Variants in TASP1 observed in about 807,000 individuals in gnomAD.
TASP1 encodes the protein threonine aspartase 1.
TASP1 carries 16 observed loss-of-function variants against 56.6 expected under a neutral mutation model. The ratio of observed to expected loss-of-function variants is 0.28; its 90% CI spans 0.19 to 0.43. The LOEUF (loss-of-function observed/expected upper bound fraction) is 0.43. Ranked by LOEUF, TASP1 falls within the 20% of genes least tolerant of loss-of-function variation. The pLI, the probability that TASP1 is intolerant of heterozygous loss-of-function variation, is 1.00. For missense variants in TASP1, 393 were observed against 511.6 expected (o/e 0.77, Z 2.24); for synonymous variants, 179 against 184.2 (o/e 0.97, Z 0.23).
chr20:13,459,776 C>G (rs2043983976), intron 11 of TASP1, among the ~76,000 whole-genome samples: 1 of 152,116 alleles, frequency 6.6e-6, no homozygotes, highest in Admixed American at 6.6e-5. Flanking sequence ...CCTGTTACTA[C>G]AGATGAATTG....
At chr20:13,190,169 G>T in the TASP1 span, among the ~76,000 whole-genome samples, 8 of 152,132 alleles carry the variant, frequency 5.3e-5, no homozygotes, top group Non-Finnish European at 8.8e-5. Context: ...GGGAGCAAGG[G>T]TTGAGAAACT....
chr20:13,487,747 A>G (rs1044733621), intron 10 of TASP1, among the ~76,000 whole-genome samples: 1 of 152,184 alleles, frequency 6.6e-6, no homozygotes, highest in African/African-American at 2.4e-5. Context: ...AATAGCAAAA[A>G]ACAAAAAAAT....
At chr20:13,350,434 G>A in the TASP1 span, among the ~76,000 whole-genome samples, 1 of 151,864 alleles carries the variant, frequency 6.6e-6, no homozygotes, top group African/African-American at 2.4e-5. Flanking sequence ...CTTAAAAGAG[G>A]CGAAAAATGT....
At chr20:13,179,410 T>TGC in the TASP1 span, among the ~76,000 whole-genome samples, 113 of 150,658 alleles carry the variant, frequency 7.5e-4, no homozygotes, top group East Asian at 4.4e-3. Flanking sequence ...TATGTGCGTG[T>TGC]GTGTGTGTGT....
chr20:13,435,117 G>T lies in TASP1; in HGVS notation c.1023C>A (p.Gly341=). 1 of 1,608,672 alleles carries T rather than the reference G, an allele frequency of 6.2e-7. No homozygotes were observed. Among genetic ancestry groups the T allele is most frequent in the Non-Finnish European group, 8.5e-7 (1 of 1,177,386 alleles). ...PFLASEDGVL[G]GVIVLRSCRC... ...TGCATGAACGGAGGACAATCACTCC[G>T]CCAAGCACGCCATCTTCACTGGCAA... The change falls in exon 12 of 14, where the codon GGC becomes GGA. Residue 341 remains glycine (G), a synonymous_variant. Coordinates refer to ENST00000337743, the MANE Select transcript of TASP1 (RefSeq NM_017714.3).
the TASP1 span, among the ~76,000 whole-genome samples, chr20:13,277,503 C>T: frequency 6.6e-6 from 1 of 152,208 alleles, no homozygotes; most frequent in African/African-American, 2.4e-5. Flanking sequence ...CTCTACCCAG[C>T]TGTGTGCTCC....
chr20:13,192,012 G>T, the TASP1 span, among the ~76,000 whole-genome samples: 2 of 152,152 alleles, frequency 1.3e-5, no homozygotes, highest in South Asian at 4.1e-4. Flanking sequence ...CCAGTCTGTG[G>T]TATTCTGTTA....
chr20:13,235,178 T>C, the TASP1 span, among the ~76,000 whole-genome samples: 1 of 152,174 alleles, frequency 6.6e-6, no homozygotes, highest in South Asian at 2.1e-4. Context: ...AGGGCATGGC[T>C]TTAAGCTATG....
intron 11 of TASP1, among the ~76,000 whole-genome samples, chr20:13,478,297 C>T (rs6033720): frequency 0.22 from 33,555 of 151,608 alleles, 3,810 homozygotes; most frequent in Middle Eastern, 0.29. Context: ...ATAGCAAAGA[C>T]ATGGAATCAA....
At chr20:13,159,977 T>C in the TASP1 span, 1 of 1,516,442 alleles carries the variant, frequency 6.6e-7, no homozygotes, top group East Asian at 2.3e-5. Flanking sequence ...CCACTTTTTT[T>C]TTTTCTTTTT....
chr20:13,163,367 CAAAAAAAAA>C, the TASP1 span, among the ~76,000 whole-genome samples: 4 of 90,086 alleles, frequency 4.4e-5, no homozygotes, highest in African/African-American at 1.3e-4. Context: ...GACGCTGTCT[CAAAAAAAAA>C]AAAAAAAAAA....
chr20:13,471,190 G>A (rs1376171331), intron 11 of TASP1, among the ~76,000 whole-genome samples: 1 of 152,136 alleles, frequency 6.6e-6, no homozygotes, highest in Non-Finnish European at 1.5e-5. Context: ...ATTTTAGGTA[G>A]GGTGGACAGG....
chr20:13,490,615 G>C (rs1340160375), intron 10 of TASP1, among the ~76,000 whole-genome samples: 1 of 152,078 alleles, frequency 6.6e-6, no homozygotes, highest in Non-Finnish European at 1.5e-5. Context: ...TTTAAGAAGA[G>C]GACAGCTTGC....
intron 1 of TASP1, among the ~76,000 whole-genome samples, chr20:13,638,543 C>T (rs773292333): frequency 1.2e-4 from 18 of 152,218 alleles, no homozygotes; most frequent in Non-Finnish European, 2.1e-4. Flanking sequence ...ACATTCTCGG[C>T]TGTCTGCGAA....
the TASP1 span, among the ~76,000 whole-genome samples, chr20:13,357,140 A>G: frequency 2.9e-3 from 438 of 148,912 alleles, 2 homozygotes; most frequent in African/African-American, 0.011. Flanking sequence ...AGATGATACT[A>G]AATTGTGCTA....
the TASP1 span, among the ~76,000 whole-genome samples, chr20:13,163,522 A>C: frequency 1.3e-5 from 2 of 152,152 alleles, no homozygotes; most frequent in African/African-American, 4.8e-5. Flanking sequence ...GCTAGAAACT[A>C]TCCCAGAGAG....
intron 10 of TASP1, among the ~76,000 whole-genome samples, chr20:13,503,045 G>A (rs549439703): frequency 6.6e-6 from 1 of 152,256 alleles, no homozygotes; most frequent in Non-Finnish European, 1.5e-5. Flanking sequence ...ATGCTGTCCA[G>A]GAAGCCCACT....
chr20:13,308,689 A>G, the TASP1 span, among the ~76,000 whole-genome samples: 1 of 152,192 alleles, frequency 6.6e-6, no homozygotes, highest in Admixed American at 6.6e-5. Context: ...ATACTGTCTG[A>G]AAAAGAAAAT....
At chr20:13,624,519 C>T (rs2048819611) in intron 3 of TASP1, among the ~76,000 whole-genome samples, 1 of 151,418 alleles carries the variant, frequency 6.6e-6, no homozygotes, top group South Asian at 2.1e-4. Context: ...ATGAAAAGAG[C>T]AGAGAGAGAG....
Sources: allele counts gnomAD v4.1 joint callset (sites outside exome capture counted in the v4.1 genomes callset), GRCh38; gene constraint gnomAD v4.1.1; transcripts MANE v1.5; gene names NCBI Gene and HGNC (gene_info 2026-07-23, HGNC 2026-07-21).